Variants in CWC25 observed in about 807,000 individuals in gnomAD.
CWC25 encodes the protein CWC25 spliceosome associated protein.
A neutral mutation model predicts 54.6 loss-of-function variants in CWC25; 31 were observed. The observed-to-expected ratio is 0.57, with a 90% CI of 0.43 to 0.77. The LOEUF (loss-of-function observed/expected upper bound fraction) is 0.77, where lower values mean the gene tolerates loss of function less well. Ranked by LOEUF, CWC25 falls within the 30% of genes least tolerant of loss-of-function variation. The pLI is 0.00. For synonymous variants in CWC25, 151 were observed against 187.0 expected, an observed-to-expected ratio of 0.81 and a Z score of 1.57; for missense variants, 453 against 529.3, an observed-to-expected ratio of 0.86 and a Z score of 1.41.
Position 38,820,885 on chromosome 17 carries a change from C to G in CWC25, c.191+16G>C, listed in dbSNP as rs998317486. 1.6e-5 allele frequency: 26 copies of G among 1,605,810 alleles called. No homozygotes were observed. Among genetic ancestry groups the G allele is most frequent in the Non-Finnish European group, 2.2e-5 (26 of 1,175,830 alleles). ...CAATTCCCTACACACAAGCGCACCC[C>G]CAGCTCCTCACTTACTTGACGGCCC... On this transcript the variant is annotated intron_variant, in intron 2 of 9. Transcript: ENST00000614790.
At chr17:38,819,731 G>A (rs1312447822) in intron 2 of CWC25, among the ~76,000 whole-genome samples, 1 of 151,584 alleles carries the variant, frequency 6.6e-6, no homozygotes, top group African/African-American at 2.4e-5. Context: ...CGCCCAGGCT[G>A]GAGTGCAGTG....
At chr17:38,806,215 G>T in intron 8 of CWC25, 82 bp downstream of exon 8, 1 of 1,210,126 alleles carries the variant, frequency 8.3e-7, no homozygotes, top group East Asian at 2.5e-5. Context: ...AGGTAATGAT[G>T]GATTATCCAT....
At chr17:38,819,373 GT>G (rs1185763344) in intron 2 of CWC25, among the ~76,000 whole-genome samples, 102 of 135,378 alleles carry the variant, frequency 7.5e-4, no homozygotes, top group African/African-American at 1.8e-3. Flanking sequence ...CTAATTTTTG[GT>G]TTTTTTTTTT....
rs56382375 is a variant in CWC25, at chr17:38,818,588, C to CAA, written c.191+2311_191+2312dup. Among the ~76,000 whole-genome samples, 203 of 48,502 alleles carry CAA rather than the reference C, an allele frequency of 4.2e-3. 20 individuals are homozygous for CAA. The highest frequency in any genetic ancestry group is 0.014 in the African/African-American group (148 of 10,748). The allele number at this position is 48,502 out of a possible 152,430, so 31.8% of individuals were successfully genotyped here. A position where few individuals can be genotyped will look rare whatever the true frequency, so the allele number is the denominator to read the frequency against. On this transcript the variant is annotated intron_variant, in intron 2 of 9. Coordinates refer to ENST00000614790, the MANE Select transcript of CWC25 (RefSeq NM_017748.5). ...TGGACAACAGAGCGAGACTCCATCTCAAAAAAAAAAAAAAAAAAAAAAAAA... is the reference window on the plus strand; with the variant it reads ...TGGACAACAGAGCGAGACTCCATCTCAAAAAAAAAAAAAAAAAAAAAAAAAAA...
chr17:38,815,611 G>A, intron 2 of CWC25: 1 of 1,059,236 alleles, frequency 9.4e-7, no homozygotes, highest in Non-Finnish European at 1.3e-6. Flanking sequence ...AATGGAGAGA[G>A]AATATTCACT....
chr17:38,816,841 A>C (rs1182072372), intron 2 of CWC25, among the ~76,000 whole-genome samples: 3 of 151,818 alleles, frequency 2.0e-5, no homozygotes, highest in Admixed American at 2.0e-4. Flanking sequence ...TGTGTCACCA[A>C]GACTGGCTAA....
chr17:38,802,892 C>G, intron 8 of CWC25, 31 bp from the exon 9 acceptor site: 1 of 1,611,634 alleles, frequency 6.2e-7, no homozygotes, highest in South Asian at 1.1e-5. Context: ...ACGATCAGGT[C>G]TCTTCCAGCA....
chr17:38,822,005 T>C (rs770905275), intron 1 of CWC25, among the ~76,000 whole-genome samples: 3 of 151,862 alleles, frequency 2.0e-5, no homozygotes, highest in Non-Finnish European at 4.4e-5. Context: ...CCTGACCTCA[T>C]GATCTGCCCG....
intron 1 of CWC25, among the ~76,000 whole-genome samples, chr17:38,822,811 T>C (rs971390983): frequency 3.3e-5 from 5 of 150,630 alleles, no homozygotes; most frequent in African/African-American, 1.2e-4. Flanking sequence ...TTATAAGCCA[T>C]GTAAAGGGAT....
chr17:38,820,638 A>C (rs1911884189), intron 2 of CWC25, among the ~76,000 whole-genome samples: 1 of 152,204 alleles, frequency 6.6e-6, no homozygotes, highest in African/African-American at 2.4e-5. Flanking sequence ...GCAAGTCCTT[A>C]CGTGTTATCT....
chr17:38,810,344 G>A (rs1911429527), intron 5 of CWC25, 124 bp downstream of exon 5: 1 of 1,021,446 alleles, frequency 9.8e-7, no homozygotes, highest in Non-Finnish European at 1.4e-6. Flanking sequence ...ATGTTCAAGT[G>A]TTCATCACTG....
intron 1 of CWC25, among the ~76,000 whole-genome samples, 169 bp downstream of exon 1, chr17:38,824,997 C>A (rs955803114): frequency 6.6e-6 from 1 of 152,186 alleles, no homozygotes; most frequent in African/African-American, 2.4e-5. Flanking sequence ...AAATCTCAGT[C>A]CCACCCCTCC....
intron 3 of CWC25, among the ~76,000 whole-genome samples, 183 bp downstream of exon 3, chr17:38,814,678 A>G (rs1257177568): frequency 2.8e-5 from 4 of 144,748 alleles, no homozygotes; most frequent in African/African-American, 1.0e-4. Context: ...CCCGGCAGAC[A>G]GAGCTTGTAG....
rs775578763 is a variant in CWC25, at chr17:38,806,888, G to C, written c.779C>G (p.Ser260Cys). ...RGHGMKNHSR[S>C]RSSSHSPPRH... is the part of the protein sequence containing the mutation. ...TGGGGGTGAGTGGGAGGAGCTTCTG[G>C]ATCTGGAATGGTTCTTCATCCCATG... The change falls in exon 7 of 10, where the codon TCC becomes TGC. Residue 260 changes from serine to cysteine, a missense_variant. Physicochemically the swap from Ser to Cys is moderately radical, Grantham distance 112 (BLOSUM62 -1). Transcript: ENST00000614790. 1.9e-6 allele frequency: 3 copies of C among 1,613,956 alleles called. No individual in the cohort carries two copies. In the South Asian group the frequency reaches 3.3e-5, roughly 18 times the overall value.
At chr17:38,812,672 TA>T in intron 4 of CWC25, 122 bp downstream of exon 4, 1 of 601,976 alleles carries the variant, frequency 1.7e-6, no homozygotes. Context: ...ACATGGTCTC[TA>T]AAAGACAAAA....
At position 38,802,073 on chromosome 17, in the gene CWC25, A is replaced by G. The variant is rs188256587; in HGVS notation, c.*19T>C. On this transcript the variant is annotated 3_prime_UTR_variant, in exon 10 of 10. Coordinates refer to ENST00000614790, the MANE Select transcript of CWC25 (RefSeq NM_017748.5). ...TTCCCTGGAAAATGCAGGAAAACCA[A>G]TAAGAGAGGGGACAGTTTTCATCTT... is the stretch of plus-strand genomic sequence containing the variant. The G allele has an allele frequency of 4.7e-4, 715 of 1,510,908 alleles. 5 individuals are homozygous for G. In the East Asian group the frequency reaches 0.01, roughly 21 times the overall value. 93.6% of individuals were successfully genotyped at this position (1,510,908 alleles called of 1,614,324 possible).
intron 4 of CWC25, 69 bp downstream of exon 4, chr17:38,812,726 A>C (rs1478414802): frequency 4.4e-6 from 4 of 904,256 alleles, no homozygotes; most frequent in Non-Finnish European, 7.0e-6. Context: ...AGCTGAGAGT[A>C]AATGGAGAGA....
intron 8 of CWC25, among the ~76,000 whole-genome samples, chr17:38,803,672 A>G (rs891447468): frequency 6.6e-6 from 1 of 151,908 alleles, no homozygotes; most frequent in Non-Finnish European, 1.5e-5. Flanking sequence ...ATTTACTATT[A>G]AAAATCTGCT....
chr17:38,815,168 C>A, intron 2 of CWC25, 71 bp from the exon 3 acceptor site: 1 of 1,368,354 alleles, frequency 7.3e-7, no homozygotes, highest in Non-Finnish European at 1.0e-6. Context: ...CACCTAAAAC[C>A]TGGACACAAG....
Sources: gnomAD v4.1 joint callset for allele counts (sites outside exome capture counted in the v4.1 genomes callset) on GRCh38, gnomAD v4.1.1 for gene constraint, MANE v1.5 for transcripts, NCBI Gene and HGNC (gene_info 2026-07-23, HGNC 2026-07-21) for gene names.